Variants in MYH15 observed in about 807,000 individuals in gnomAD.
The protein encoded by MYH15 is myosin-15.
In MYH15, 227 loss-of-function variants were observed where a neutral mutation model predicts 240.5. The observed-to-expected ratio is 0.94, with a 90% CI of 0.85 to 1.05. The LOEUF (loss-of-function observed/expected upper bound fraction) is 1.05, where lower values mean the gene tolerates loss of function less well. MYH15 is among the 50% of genes least tolerant of loss of function. The pLI is 0.00. For synonymous variants in MYH15, 785 were observed against 796.7 expected, an observed-to-expected ratio of 0.99 and a Z score of 0.25; for missense variants, 2,217 against 2,247.5, an observed-to-expected ratio of 0.99 and a Z score of 0.27.
rs781234433 is a variant in MYH15 at position 108,410,607 on chromosome 3, T to A, written c.4471A>T (p.Arg1491Trp). ...EESIVGQETL[R>W]RENKNLQEEI... ...CCTTGGAGGTTCTTGTTCTCCCTCC[T>A]GAGTGTCTCCTGGCCCACGATGCTC... is the stretch of plus-strand genomic sequence containing the variant. The change falls in exon 31 of 41, where the codon AGG (arginine) becomes TGG (tryptophan). Residue 1491 changes from arginine to tryptophan, a missense_variant. Arg to Trp is a moderately radical substitution (Grantham distance 101). Coordinates refer to ENST00000693548, the MANE Select transcript of MYH15 (RefSeq NM_014981.3). The A allele has an allele frequency of 2.5e-6, 4 of 1,598,390 alleles. No homozygotes were observed. The African/African-American group carries it at 4.0e-5, about 16-fold the overall frequency.
intron 29 of MYH15, among the ~76,000 whole-genome samples, chr3:108,414,762 A>ATAT (rs2082621217): frequency 6.6e-6 from 1 of 152,238 alleles, no homozygotes; most frequent in African/African-American, 2.4e-5. Context: ...AATAAGATTT[A>ATAT]TATTTAGCAA....
chr3:108,519,247 A>G (rs2083598410), intron 1 of MYH15, among the ~76,000 whole-genome samples: 1 of 152,222 alleles, frequency 6.6e-6, no homozygotes, highest in African/African-American at 2.4e-5. Context: ...GAAGTATGCT[A>G]AGGATAAAAA....
intron 9 of MYH15, among the ~76,000 whole-genome samples, chr3:108,490,152 A>AC (rs1341866509): frequency 1.3e-5 from 2 of 152,218 alleles, no homozygotes; most frequent in African/African-American, 4.8e-5. Flanking sequence ...GATCAAAAAA[A>AC]ATCCTGTTCC....
intron 1 of MYH15, among the ~76,000 whole-genome samples, chr3:108,521,445 A>G (rs1471627760): frequency 6.6e-6 from 1 of 152,058 alleles, no homozygotes; most frequent in Non-Finnish European, 1.5e-5. Context: ...AGTTCATGCG[A>G]TCAGTTCTCA....
At chr3:108,388,876 G>T in intron 38 of MYH15, 94 bp downstream of exon 38, 1 of 983,702 alleles carries the variant, frequency 1.0e-6, no homozygotes, top group Non-Finnish European at 1.6e-6. Flanking sequence ...AGAGAGAACG[G>T]CAGGAGTCCC....
upstream of MYH15, among the ~76,000 whole-genome samples, chr3:108,513,947 A>T (rs2083539851): frequency 6.6e-6 from 1 of 152,176 alleles, no homozygotes; most frequent in Non-Finnish European, 1.5e-5. Context: ...ACTGAGCACC[A>T]TATAAGCCAT....
intron 38 of MYH15, 123 bp from the exon 39 acceptor site, chr3:108,384,905 T>G (rs1458993519): frequency 5.0e-6 from 4 of 807,948 alleles, no homozygotes; most frequent in Non-Finnish European, 5.8e-6. Context: ...GAGTTGTGAT[T>G]TTAACAATGG....
upstream of MYH15, among the ~76,000 whole-genome samples, chr3:108,514,548 T>C (rs2083545961): frequency 1.3e-5 from 2 of 152,150 alleles, no homozygotes; most frequent in South Asian, 4.1e-4. Flanking sequence ...CTTGGAGTAA[T>C]AGATTTGAAT....
chr3:108,486,509 C>T lies in MYH15; in HGVS notation c.889G>A (p.Ala297Thr). The change falls in exon 10 of 41, where the codon GCA (alanine) becomes ACA (threonine). Residue 297 changes from alanine to threonine, a missense_variant. By Grantham distance (58) the Ala-to-Thr change is moderately conservative. Transcript: ENST00000693548. ...KELHDLLLVS[A>T]NPSDFHFCSC... ...CAAAAGTGGAAGTCTGAGGGATTTG[C>T]AGATACCAGGAGCAGGTCTAGAGTG... 1.2e-6 allele frequency: 2 copies of T among 1,610,806 alleles called. No homozygotes were observed. The highest frequency in any genetic ancestry group is 1.1e-5 in the South Asian group (1 of 90,566).
intron 29 of MYH15, among the ~76,000 whole-genome samples, chr3:108,415,041 T>G (rs1197795702): frequency 2.0e-5 from 3 of 152,206 alleles, no homozygotes; most frequent in African/African-American, 7.2e-5. Flanking sequence ...TGATCAAAAC[T>G]GAATTCTTAA....
In MYH15 at chr3:108,399,206, T is replaced by C; in HGVS notation, c.4798A>G (p.Arg1600Gly). Residue 1600 changes from arginine to glycine, a missense_variant, in exon 34 of 41, where the codon AGA becomes GGA. Transcript: ENST00000693548. ...QSSLDSEAKS[R>G]IEVTRLKKKM... The stretch of plus-strand genomic sequence containing the variant: ...TTCTTCAGCCGGGTAACCTCAATTC[T>C]GCTCTTAGCTTCAGAATCCAGACTA... The C allele has an allele frequency of 6.2e-7, 1 of 1,614,238 alleles. No homozygotes were observed. The highest frequency in any genetic ancestry group is 8.5e-7 in the Non-Finnish European group (1 of 1,180,026).
At chr3:108,393,898 G>A in intron 36 of MYH15, 133 bp downstream of exon 36, 1 of 1,326,778 alleles carries the variant, frequency 7.5e-7, no homozygotes, top group Non-Finnish European at 1.0e-6. Flanking sequence ...AGGCAGAGAG[G>A]TCAGACTAAC....
In MYH15 at chr3:108,383,741, A is replaced by AAT; in HGVS notation, c.5632-13_5632-12insAT. On this transcript the variant is annotated splice_polypyrimidine_tract_variant and intron_variant, in intron 39 of 40. Coordinates refer to ENST00000693548, the MANE Select transcript of MYH15 (RefSeq NM_014981.3). ...TTGGCTTGTGTTTCCTATAAAAATA[A>AAT]AAAAAAAAAAAAAGAAATCTCCATG... 7.3e-7 allele frequency: 1 copy of AAT among 1,373,702 alleles called. No homozygotes were observed. Among genetic ancestry groups the AAT allele is most frequent in the Non-Finnish European group, 9.8e-7 (1 of 1,018,056 alleles). 85.1% of individuals were successfully genotyped at this position (1,373,702 alleles called of 1,614,324 possible).
At chr3:108,476,337 A>C in intron 12 of MYH15, 60 bp downstream of exon 12, 1 of 1,112,090 alleles carries the variant, frequency 9.0e-7, no homozygotes. Context: ...TATACAGTAC[A>C]ATATATATAC....
intron 21 of MYH15, among the ~76,000 whole-genome samples, chr3:108,446,444 G>A (rs1328603565): frequency 6.6e-6 from 1 of 152,186 alleles, no homozygotes; most frequent in African/African-American, 2.4e-5. Context: ...CAAGCTTACT[G>A]CTGAAGAGGT....
intron 37 of MYH15, among the ~76,000 whole-genome samples, chr3:108,390,553 C>G (rs1350702731): frequency 2.2e-4 from 34 of 152,122 alleles, no homozygotes; most frequent in Admixed American, 2.2e-3. Flanking sequence ...ATTGGATAAA[C>G]TTACTGCTAA....
chr3:108,423,190 A>G (rs763451385), intron 27 of MYH15, among the ~76,000 whole-genome samples: 11 of 152,130 alleles, frequency 7.2e-5, no homozygotes, highest in Non-Finnish European at 1.6e-4. Context: ...CTTCAACCCA[A>G]TGCAAATGGC....
At chr3:108,478,219 T>G (rs1206716321) in intron 11 of MYH15, among the ~76,000 whole-genome samples, 1 of 152,182 alleles carries the variant, frequency 6.6e-6, no homozygotes, top group Non-Finnish European at 1.5e-5. Context: ...TCACAGCCTT[T>G]AAAATGTTTA....
chr3:108,428,923 G>T, intron 26 of MYH15, 42 bp from the exon 27 acceptor site: 4 of 1,528,426 alleles, frequency 2.6e-6, no homozygotes, highest in Non-Finnish European at 3.5e-6. Context: ...AGCACTTGTA[G>T]CAAGAGCTTT....
Sources: gnomAD v4.1 joint callset for allele counts (sites outside exome capture counted in the v4.1 genomes callset) on GRCh38, gnomAD v4.1.1 for gene constraint, MANE v1.5 for transcripts, NCBI Gene and HGNC (gene_info 2026-07-23, HGNC 2026-07-21) for gene names.